The following DUS4L variants were observed in gnomAD, a reference collection of about 807,000 sequenced individuals.
DUS4L encodes dihydrouridine synthase 4 like.
DUS4L carries 31 observed loss-of-function variants against 33.8 expected under a neutral mutation model. The ratio of observed to expected loss-of-function variants is 0.92; its 90% CI spans 0.69 to 1.24. DUS4L has a LOEUF of 1.24. DUS4L is among the 50% of genes most tolerant of loss of function. The pLI is 0.00. For missense variants in DUS4L, 368 were observed against 388.6 expected, an observed-to-expected ratio of 0.95 and a Z score of 0.45; for synonymous variants, 103 against 120.3, an observed-to-expected ratio of 0.86 and a Z score of 0.94.
chr7:107,570,083 T>G (rs963377830), intron 3 of DUS4L: 5 of 152,180 alleles, frequency 3.3e-5, no homozygotes, highest in African/African-American at 9.7e-5. Flanking sequence ...TTTTTTTTTT[T>G]TAACTATGTA....
Position 107,578,363 on chromosome 7 carries a change from G to A in DUS4L, c.*803G>A, listed in dbSNP as rs1345839959. On this transcript the variant is annotated 3_prime_UTR_variant, in exon 8 of 8. Transcript: ENST00000265720. ...GTTATTAATAGATTTTGTTATCGGT[G>A]GGCATGCACTGCAAGAATTAAGTAT... The A allele has an allele frequency of 2.0e-5, 3 of 152,066 alleles. No individual in the cohort carries two copies. Among genetic ancestry groups the A allele is most frequent in the Non-Finnish European group, 2.9e-5 (2 of 68,020 alleles). 9.4% of individuals were successfully genotyped at this position (152,066 alleles called of 1,614,324 possible).
At chr7:107,564,992 C>G (rs2129186165) in intron 2 of DUS4L, among the ~76,000 whole-genome samples, 1 of 152,334 alleles carries the variant, frequency 6.6e-6, no homozygotes, top group Non-Finnish European at 1.5e-5. Context: ...ATACTCATAA[C>G]ACCTCAGGTA....
intron 2 of DUS4L, among the ~76,000 whole-genome samples, chr7:107,565,419 T>G (rs1490216406): frequency 6.6e-6 from 1 of 152,242 alleles, no homozygotes; most frequent in African/African-American, 2.4e-5. Flanking sequence ...GCCTGCATCC[T>G]GAGCCCAGAC....
intron 4 of DUS4L, among the ~76,000 whole-genome samples, chr7:107,572,463 T>TA (rs1197291053): frequency 6.6e-6 from 1 of 152,154 alleles, no homozygotes; most frequent in Non-Finnish European, 1.5e-5. Context: ...AATGTTGAAA[T>TA]ACATCTAAAC....
Position 107,571,178 on chromosome 7 carries a change from T to C in DUS4L, c.150T>C (p.Ser50=). Reference sequence around the variant, plus strand: ...TTAGGACACTAGTAAGAAAATATAGTTGTGATCTGTGTTACACACCAATGA... The same window carrying C: ...TTAGGACACTAGTAAGAAAATATAGCTGTGATCTGTGTTACACACCAATGA... ...LAFRTLVRKY[S]CDLCYTPMIV... Residue 50 remains serine (S), a synonymous_variant, in exon 4 of 8, where the codon AGT becomes AGC. Coordinates refer to ENST00000265720, the MANE Select transcript of DUS4L (RefSeq NM_181581.3). 6.2e-7 allele frequency: 1 copy of C among 1,613,520 alleles called. No individual in the cohort carries two copies. The highest frequency in any genetic ancestry group is 8.5e-7 in the Non-Finnish European group (1 of 1,179,868).
Position 107,578,061 on chromosome 7 carries a change from A to G in DUS4L, c.*501A>G, listed in dbSNP as rs1165943422. ...ATTGCACTCAGAACTTATATTAAAA[A>G]TTCCATTTGGTTAATGACATTAAAT... On this transcript the variant is annotated 3_prime_UTR_variant, in exon 8 of 8. Coordinates refer to ENST00000265720, the MANE Select transcript of DUS4L (RefSeq NM_181581.3). 1 of 152,262 alleles carries G rather than the reference A, an allele frequency of 6.6e-6. No individual in the cohort carries two copies. The highest frequency in any genetic ancestry group is 2.4e-5 in the African/African-American group (1 of 41,472). 9.4% of individuals were successfully genotyped at this position (152,262 alleles called of 1,614,324 possible).
chr7:107,572,323 C>T (rs539377195), intron 4 of DUS4L, among the ~76,000 whole-genome samples: 2 of 152,230 alleles, frequency 1.3e-5, no homozygotes, highest in East Asian at 3.9e-4. Flanking sequence ...GCAAATTCTC[C>T]TAAACCATCA....
In DUS4L at chr7:107,567,203, G is replaced by T; in HGVS notation, c.116+17G>T. ...ATATTCAAAGTAAGTGTTGCAAAAT[G>T]ATTAATGAACTAAGATGAAATTTCC... On this transcript the variant is annotated intron_variant, in intron 3 of 7. Coordinates refer to ENST00000265720, the MANE Select transcript of DUS4L (RefSeq NM_181581.3). The T allele has an allele frequency of 6.2e-7, 1 of 1,603,702 alleles. No homozygotes were observed. Among genetic ancestry groups the T allele is most frequent in the African/African-American group, 1.3e-5 (1 of 74,620 alleles).
rs2129198273 is a variant in DUS4L at position 107,576,526 on chromosome 7, A to G, written c.640A>G (p.Ile214Val). The stretch of plus-strand genomic sequence containing the variant: ...TAAGGAAAATATGTCTATACCTGTA[A>G]TTGCTAATGGAGACATCAGAAGCTT... The part of the protein sequence containing the change: ...IIKENMSIPV[I>V]ANGDIRSLKE... The change falls in exon 7 of 8, where the codon ATT becomes GTT. Residue 214 changes from isoleucine (I) to valine (V), a missense_variant. Physicochemically the swap from Ile to Val is conservative, Grantham distance 29. Coordinates refer to ENST00000265720, the MANE Select transcript of DUS4L (RefSeq NM_181581.3). The G allele has an allele frequency of 6.2e-7, 1 of 1,607,278 alleles. No individual in the cohort carries two copies. The highest frequency in any genetic ancestry group is 8.5e-7 in the Non-Finnish European group (1 of 1,177,818).
chr7:107,569,065 G>A (rs950407080), intron 3 of DUS4L, among the ~76,000 whole-genome samples: 6 of 152,196 alleles, frequency 3.9e-5, no homozygotes, highest in African/African-American at 9.7e-5. Flanking sequence ...ATTAGTCAGC[G>A]TGGTGGCGCA....
rs1805208333 is a variant in DUS4L at position 107,571,283 on chromosome 7, G to A, written c.238+17G>A. 6.3e-7 allele frequency: 1 copy of A among 1,590,912 alleles called. No individual in the cohort carries two copies. The highest frequency in any genetic ancestry group is 8.5e-7 in the Non-Finnish European group (1 of 1,173,702). ...CAAATCAAGGTATGTGAAACCGAGT[G>A]TACTGACTTTGTAAAACTTTTTAAA... On this transcript the variant is annotated intron_variant, in intron 4 of 7. Coordinates refer to ENST00000265720, the MANE Select transcript of DUS4L (RefSeq NM_181581.3).
At position 107,564,206 on chromosome 7, in the gene DUS4L, G is replaced by A. The variant is rs1804319170; in HGVS notation, c.-114G>A. 3 of 595,596 alleles carry A rather than the reference G, an allele frequency of 5.0e-6. No individual in the cohort carries two copies. Among genetic ancestry groups the A allele is most frequent in the South Asian group, 2.0e-5 (1 of 49,896 alleles). 36.9% of individuals were successfully genotyped at this position (595,596 alleles called of 1,614,324 possible). A position where few individuals can be genotyped will look rare whatever the true frequency, so the allele number is the denominator to read the frequency against. On this transcript the variant is annotated 5_prime_UTR_variant, in exon 1 of 8. Coordinates refer to ENST00000265720, the MANE Select transcript of DUS4L (RefSeq NM_181581.3). ...GCTGGCGTCGTGCCCTAGCCAAGGA[G>A]AAGGTGGGCACCGGAACGTGGCCGC...
chr7:107,565,689 G>A (rs1804596809), intron 2 of DUS4L, among the ~76,000 whole-genome samples: 2 of 152,042 alleles, frequency 1.3e-5, no homozygotes, highest in African/African-American at 4.8e-5. Flanking sequence ...ACGCCCAGCT[G>A]ATTTTTATAA....
intron 5 of DUS4L, 158 bp from the exon 6 acceptor site, chr7:107,575,030 T>C (rs777483065): frequency 5.5e-6 from 5 of 904,364 alleles, no homozygotes; most frequent in Non-Finnish European, 8.4e-6. Flanking sequence ...TAATCTCATA[T>C]TGATCCACTT....
intron 7 of DUS4L, chr7:107,576,904 G>A (rs1805805594): frequency 3.4e-6 from 1 of 298,252 alleles, no homozygotes; most frequent in Non-Finnish European, 6.2e-6. Flanking sequence ...ACTCGAGAAT[G>A]ATAAGAGCTA....
chr7:107,569,646 GCA>G (rs904256213), intron 3 of DUS4L, among the ~76,000 whole-genome samples: 6 of 101,040 alleles, frequency 5.9e-5, no homozygotes, highest in African/African-American at 2.5e-4. Flanking sequence ...TACAAGTTCT[GCA>G]CATGTTTTGT....
Position 107,573,565 on chromosome 7 carries a change from G to A in DUS4L, c.239-139G>A, listed in dbSNP as rs79780410. ...TTTTAAATATTTTAAATTGTTTAAT[G>A]TTATATTATTTGGACAGATGCTTCT... On this transcript the variant is annotated intron_variant, in intron 4 of 7. Coordinates refer to ENST00000265720, the MANE Select transcript of DUS4L (RefSeq NM_181581.3). 6.5e-5 allele frequency: 47 copies of A among 724,220 alleles called. No homozygotes were observed. In the East Asian group the frequency reaches 1.3e-3, roughly 19 times the overall value. 44.9% of individuals were successfully genotyped at this position (724,220 alleles called of 1,614,324 possible).
In DUS4L at chr7:107,571,280, A is replaced by G; in HGVS notation, c.238+14A>G. The G allele has an allele frequency of 6.2e-7, 1 of 1,602,864 alleles. No homozygotes were observed. The highest frequency in any genetic ancestry group is 8.5e-7 in the Non-Finnish European group (1 of 1,177,164). On this transcript the variant is annotated intron_variant, in intron 4 of 7. Coordinates refer to ENST00000265720, the MANE Select transcript of DUS4L (RefSeq NM_181581.3). ...CCACAAATCAAGGTATGTGAAACCG[A>G]GTGTACTGACTTTGTAAAACTTTTT... is the stretch of plus-strand genomic sequence containing the variant.
Position 107,564,022 on chromosome 7 carries a change from G to A in DUS4L, c.-298G>A, listed in dbSNP as rs766485363. ...GGCCCACCTGGCGAACTGACTCTCAGCCCGCGCCTGGGCTAAGCCTGGCTA... is the reference window on the plus strand; with the variant it reads ...GGCCCACCTGGCGAACTGACTCTCAACCCGCGCCTGGGCTAAGCCTGGCTA... On this transcript the variant is annotated 5_prime_UTR_variant, in exon 1 of 8. Coordinates refer to ENST00000265720, the MANE Select transcript of DUS4L (RefSeq NM_181581.3). 2.1e-6 allele frequency: 3 copies of A among 1,435,296 alleles called. No homozygotes were observed. Among genetic ancestry groups the A allele is most frequent in the South Asian group, 1.2e-5 (1 of 81,818 alleles). 88.9% of individuals were successfully genotyped at this position (1,435,296 alleles called of 1,614,324 possible). A position where few individuals can be genotyped will look rare whatever the true frequency, so the allele number is the denominator to read the frequency against.
Sources: gnomAD v4.1 joint callset for allele counts (sites outside exome capture counted in the v4.1 genomes callset) on GRCh38, gnomAD v4.1.1 for gene constraint, MANE v1.5 for transcripts, NCBI Gene and HGNC (gene_info 2026-07-23, HGNC 2026-07-21) for gene names.